DCT: variants seen among roughly 807,000 people sequenced by gnomAD.
DCT encodes the protein L-dopachrome tautomerase.
A neutral mutation model predicts 53.0 loss-of-function variants in DCT; 47 were observed. That is an observed-to-expected ratio of 0.89 (90% CI 0.70 to 1.13). The LOEUF (loss-of-function observed/expected upper bound fraction) is 1.13. DCT is among the 50% of genes most tolerant of loss of function. DCT has a pLI of 0.00. For missense variants in DCT, 669 were observed against 637.4 expected (o/e 1.05, Z -0.53); for synonymous variants, 244 against 237.0 (o/e 1.03, Z -0.27).
At chr13:94,447,263 G>T (rs181950507) in intron 6 of DCT, among the ~76,000 whole-genome samples, 3 of 152,292 alleles carry the variant, frequency 2.0e-5, no homozygotes, top group Non-Finnish European at 1.5e-5. Context: ...ACGGACCAGG[G>T]GGTGGTGGAT....
intron 4 of DCT, among the ~76,000 whole-genome samples, chr13:94,464,310 C>T (rs1434081309): frequency 6.6e-6 from 1 of 152,166 alleles, no homozygotes; most frequent in African/African-American, 2.4e-5. Flanking sequence ...AGTCTAAGGA[C>T]CTGGGACGAA....
intron 6 of DCT, among the ~76,000 whole-genome samples, chr13:94,451,754 C>G (rs938258433): frequency 6.6e-6 from 1 of 152,120 alleles, no homozygotes; most frequent in African/African-American, 2.4e-5. Context: ...TTTCAGTGAT[C>G]ACATTCATTT....
chr13:94,439,316 T>A lies in DCT; in HGVS notation c.*582A>T, dbSNP rs972286328. 1.3e-5 allele frequency: 2 copies of A among 152,250 alleles called. No homozygotes were observed. The highest frequency in any genetic ancestry group is 2.4e-5 in the African/African-American group (1 of 41,438). The allele number at this position is 152,250 out of a possible 1,614,324, so 9.4% of individuals were successfully genotyped here. On this transcript the variant is annotated 3_prime_UTR_variant, in exon 8 of 8. Transcript: ENST00000377028. Reference sequence around the variant, plus strand: ...GAAAACAAGGCTTATTCTCATCTTCTAAGCTGGAGAGGAAAAATATAGAGA... The same window carrying A: ...GAAAACAAGGCTTATTCTCATCTTCAAAGCTGGAGAGGAAAAATATAGAGA...
the DCT span, among the ~76,000 whole-genome samples, chr13:94,521,725 G>A: frequency 6.6e-6 from 1 of 151,996 alleles, no homozygotes; most frequent in African/African-American, 2.4e-5. Context: ...TTCAATTGCT[G>A]CTTTTGTTGT....
upstream of DCT, among the ~76,000 whole-genome samples, chr13:94,483,619 T>G (rs1019831806): frequency 2.0e-5 from 3 of 152,074 alleles, no homozygotes; most frequent in Non-Finnish European, 2.9e-5. Context: ...CTCCTACCTC[T>G]GCCTCTCGAG....
the DCT span, among the ~76,000 whole-genome samples, chr13:94,539,145 C>T: frequency 7.4e-4 from 112 of 152,276 alleles, no homozygotes; most frequent in African/African-American, 2.6e-3. Flanking sequence ...ATCAAACCCA[C>T]CTTTTGAGGG....
the DCT span, among the ~76,000 whole-genome samples, chr13:94,513,987 C>CAAAAAAAAAAA: frequency 1.9e-5 from 1 of 53,200 alleles, no homozygotes; most frequent in Non-Finnish European, 3.4e-5. Flanking sequence ...AACTCTGTCT[C>CAAAAAAAAAAA]AAAAAAAAAA....
the DCT span, among the ~76,000 whole-genome samples, chr13:94,516,744 T>C: frequency 6.6e-6 from 1 of 152,112 alleles, no homozygotes; most frequent in Admixed American, 6.6e-5. Flanking sequence ...TGTGATGCCC[T>C]GTGCCACCTT....
At chr13:94,460,023 T>C (rs1883674083) in intron 6 of DCT, 68 bp downstream of exon 6, 4 of 1,460,616 alleles carry the variant, frequency 2.7e-6, no homozygotes, top group African/African-American at 1.4e-5. Flanking sequence ...CAAACATTAA[T>C]TGTATGAAAA....
At chr13:94,541,954 A>C in the DCT span, among the ~76,000 whole-genome samples, 1 of 152,190 alleles carries the variant, frequency 6.6e-6, no homozygotes, top group Admixed American at 6.5e-5. Flanking sequence ...CATCAGTACC[A>C]TCATTTGCCT....
At chr13:94,445,557 T>G (rs1392492871) in intron 6 of DCT, 2 of 607,232 alleles carry the variant, frequency 3.3e-6, no homozygotes, top group Non-Finnish European at 5.9e-6. Flanking sequence ...TAGAACTGCC[T>G]AGTCAAGCCC....
the DCT span, among the ~76,000 whole-genome samples, chr13:94,506,321 GAAAAAGGCA>G: frequency 5.0e-4 from 76 of 152,252 alleles, 1 homozygote; most frequent in African/African-American, 1.8e-3. Context: ...GGTTGGGGCA[GAAAAAGGCA>G]AAAGCAGAGC....
At chr13:94,446,415 A>G (rs1882738734) in intron 6 of DCT, among the ~76,000 whole-genome samples, 1 of 152,216 alleles carries the variant, frequency 6.6e-6, no homozygotes, top group African/African-American at 2.4e-5. Flanking sequence ...CACACACTGT[A>G]CATATAGCCA....
chr13:94,464,448 T>C (rs1443271820), intron 4 of DCT, among the ~76,000 whole-genome samples: 1 of 152,164 alleles, frequency 6.6e-6, no homozygotes. Flanking sequence ...GAGACCATCC[T>C]GGCAAACATG....
chr13:94,449,175 T>A (rs922086056), intron 6 of DCT, among the ~76,000 whole-genome samples: 1 of 152,050 alleles, frequency 6.6e-6, no homozygotes, highest in East Asian at 1.9e-4. Context: ...ATTTTTCATG[T>A]AACCCATGCA....
rs534760824 is a variant in DCT, at chr13:94,466,739, G to A, written c.596-81C>T. Reference sequence around the variant, plus strand: ...AAATCTTACCTGGGCTGTATCTATAGAGCCAATAAGTCCATGATGTTTTAT... The same window carrying A: ...AAATCTTACCTGGGCTGTATCTATAAAGCCAATAAGTCCATGATGTTTTAT... On this transcript the variant is annotated intron_variant, in intron 2 of 7. Coordinates refer to ENST00000377028, the MANE Select transcript of DCT (RefSeq NM_001922.5). 8.9e-5 allele frequency: 73 copies of A among 815,842 alleles called. No individual in the cohort carries two copies. In the Middle Eastern group the frequency reaches 9.6e-4, roughly 11 times the overall value. The allele number at this position is 815,842 out of a possible 1,614,324, so 50.5% of individuals were successfully genotyped here. A position where few individuals can be genotyped will look rare whatever the true frequency, so the allele number is the denominator to read the frequency against.
chr13:94,462,892 G>A (rs888922420), intron 4 of DCT, among the ~76,000 whole-genome samples: 1 of 152,158 alleles, frequency 6.6e-6, no homozygotes, highest in Non-Finnish European at 1.5e-5. Context: ...GTAAAGTTAC[G>A]AAAACCTTTT....
In DCT at chr13:94,478,929, C is replaced by T. The variant is rs550904509; in HGVS notation, c.295+32G>A. 16 of 1,567,956 alleles carry T rather than the reference C, an allele frequency of 1.0e-5. No individual in the cohort carries two copies. In the South Asian group the frequency reaches 1.6e-4, roughly 16 times the overall value. On this transcript the variant is annotated intron_variant, in intron 1 of 7. Coordinates refer to ENST00000377028, the MANE Select transcript of DCT (RefSeq NM_001922.5). ...AAGGAGCTCTTTCCCCAGCTCTGGC[C>T]CTCCCCACCAAGCTTGGAGCATGGG...
At chr13:94,495,462 A>G in the DCT span, among the ~76,000 whole-genome samples, 95,910 of 152,024 alleles carry the variant, frequency 0.63, 30,436 homozygotes, top group Middle Eastern at 0.68. Flanking sequence ...GAATGTACCC[A>G]CTTCTACTCC....
Sources: gnomAD v4.1 joint callset for allele counts (sites outside exome capture counted in the v4.1 genomes callset) on GRCh38, gnomAD v4.1.1 for gene constraint, MANE v1.5 for transcripts, NCBI Gene and HGNC (gene_info 2026-07-23, HGNC 2026-07-21) for gene names.